PRSS37: variants seen among roughly 807,000 people sequenced by gnomAD.
The protein encoded by PRSS37 is probable inactive serine protease 37.
PRSS37 carries 25 observed loss-of-function variants against 28.0 expected under a neutral mutation model. The ratio of observed to expected loss-of-function variants is 0.89; its 90% CI spans 0.65 to 1.25. The LOEUF is 1.25. PRSS37 is among the 50% of genes most tolerant of loss of function. The pLI, the probability that PRSS37 is intolerant of heterozygous loss-of-function variation, is 0.00. For synonymous variants in PRSS37, 109 were observed against 107.8 expected (o/e 1.01, Z -0.07); for missense variants, 282 against 292.2 (o/e 0.97, Z 0.25).
rs1010879274 is a variant in PRSS37 at position 141,839,638 on chromosome 7, A to G, written c.35-159T>C. Among the ~76,000 whole-genome samples, 7 of 152,202 alleles carry G rather than the reference A, an allele frequency of 4.6e-5. 1 individual carries two copies. Among genetic ancestry groups the G allele is most frequent in the Admixed American group, 2.0e-4 (3 of 15,282 alleles). ...TTTTCTAATAAAAATGTAAATTAAA[A>G]CGATATGCCATTTTATCTTATATTT... On this transcript the variant is annotated intron_variant, in intron 1 of 4. Coordinates refer to ENST00000350549, the MANE Select transcript of PRSS37 (RefSeq NM_001008270.3).
intron 4 of PRSS37, 127 bp downstream of exon 4, chr7:141,836,985 G>C: frequency 2.1e-6 from 2 of 950,594 alleles, no homozygotes; most frequent in Non-Finnish European, 3.2e-6. Flanking sequence ...AACAATGCTG[G>C]CTTTGCAGCA....
At position 141,841,019 on chromosome 7, in the gene PRSS37, C is replaced by A. The variant is rs150940244; in HGVS notation, c.31G>T (p.Ala11Ser). 8.1e-6 allele frequency: 13 copies of A among 1,613,544 alleles called. No individual in the cohort carries two copies. The highest frequency in any genetic ancestry group is 1.3e-5 in the African/African-American group (1 of 74,880). MKYVFYLGVLAGTFFFADSSV... is the reference protein window; with the variant it reads MKYVFYLGVLSGTFFFADSSV... ...GTACAAGGTCTTGAGTACATACCAG[C>A]GAGGACACCCAAATAGAAGACATAT... is the stretch of plus-strand genomic sequence containing the variant. The change falls in exon 1 of 5, where the codon GCT becomes TCT. Residue 11 changes from alanine (A) to serine (S), a missense_variant. Coordinates refer to ENST00000350549, the MANE Select transcript of PRSS37 (RefSeq NM_001008270.3).
rs139196533 is a variant in PRSS37 at position 141,838,038 on chromosome 7, C to G, written c.252G>C (p.Gln84His). 2 of 1,614,050 alleles carry G rather than the reference C, an allele frequency of 1.2e-6. No individual in the cohort carries two copies. Among genetic ancestry groups the G allele is most frequent in the Non-Finnish European group, 1.7e-6 (2 of 1,180,032 alleles). Reference protein sequence around the residue: ...DGTEQTINPIQIVRYWNYSHS... With the variant: ...DGTEQTINPIHIVRYWNYSHS... ...GACTGTAGTTCCAGTAGCGGACGAT[C>G]TGAATGGGGTTAATTGTCTGTTCAG... The change falls in exon 3 of 5, where the codon CAG becomes CAC. Residue 84 changes from glutamine (Q) to histidine (H), a missense_variant. Gln to His is a conservative substitution (Grantham distance 24). Coordinates refer to ENST00000350549, the MANE Select transcript of PRSS37 (RefSeq NM_001008270.3).
chr7:141,841,413 A>G lies in PRSS37; in HGVS notation c.-364T>C, dbSNP rs1195232271. On this transcript the variant is annotated 5_prime_UTR_variant, in exon 1 of 5. Coordinates refer to ENST00000350549, the MANE Select transcript of PRSS37 (RefSeq NM_001008270.3). ...TAGGCTCAGGACTTATCTTCCCCAC[A>G]GAGTTTCTGAGACCAGGGCTATGAG... is the stretch of plus-strand genomic sequence containing the variant. 7.6e-6 allele frequency: 2 copies of G among 262,312 alleles called. No individual in the cohort carries two copies. The highest frequency in any genetic ancestry group is 7.5e-6 in the Non-Finnish European group (1 of 133,954). 16.2% of individuals were successfully genotyped at this position (262,312 alleles called of 1,614,324 possible).
rs1018649301 is a variant in PRSS37 at position 141,836,633 on chromosome 7, C to T, written c.568-98G>A. ...GTCCCGCTTGGGTGAGCCCTGTCTG[C>T]AGGCATATGCTGGACTCTTGAAAAG... On this transcript the variant is annotated intron_variant, in intron 4 of 4. Coordinates refer to ENST00000350549, the MANE Select transcript of PRSS37 (RefSeq NM_001008270.3). 23 of 1,329,318 alleles carry T rather than the reference C, an allele frequency of 1.7e-5. No individual in the cohort carries two copies. The African/African-American group carries it at 3.2e-4, about 19-fold the overall frequency. The allele number at this position is 1,329,318 out of a possible 1,614,324, so 82.3% of individuals were successfully genotyped here. A position where few individuals can be genotyped will look rare whatever the true frequency, so the allele number is the denominator to read the frequency against.
chr7:141,839,199 C>T (rs981478150), intron 2 of PRSS37, 139 bp downstream of exon 2: 17 of 773,392 alleles, frequency 2.2e-5, no homozygotes, highest in Non-Finnish European at 3.6e-5. Context: ...GCCAATAGCA[C>T]TGCCCCCTGG....
At chr7:141,840,153 T>C (rs1801108796) in intron 1 of PRSS37, among the ~76,000 whole-genome samples, 1 of 152,312 alleles carries the variant, frequency 6.6e-6, no homozygotes, top group South Asian at 2.1e-4. Flanking sequence ...TGTTAGCATG[T>C]GTTGACTAAG....
chr7:141,837,472 G>A (rs896337646), intron 3 of PRSS37: 35 of 1,145,314 alleles, frequency 3.1e-5, no homozygotes, highest in Non-Finnish European at 3.8e-5. Context: ...TTAATTGGTG[G>A]CCTGTCTTGG....
chr7:141,837,263 G>C lies in PRSS37; in HGVS notation c.431-15C>G. On this transcript the variant is annotated splice_polypyrimidine_tract_variant and intron_variant, in intron 3 of 4. Transcript: ENST00000350549. ...AGGGTGTCGGCCTGAGGGAGACGGGGATAAAATAAAACATCCTGTTGACAG... is the reference window on the plus strand; with the variant it reads ...AGGGTGTCGGCCTGAGGGAGACGGGCATAAAATAAAACATCCTGTTGACAG... The C allele has an allele frequency of 6.3e-7, 1 of 1,580,846 alleles. No homozygotes were observed. The highest frequency in any genetic ancestry group is 8.6e-7 in the Non-Finnish European group (1 of 1,167,224).
At chr7:141,840,743 T>G (rs1305999441) in intron 1 of PRSS37, among the ~76,000 whole-genome samples, 1 of 152,124 alleles carries the variant, frequency 6.6e-6, no homozygotes, top group East Asian at 1.9e-4. Flanking sequence ...TCTACTTCTC[T>G]GTTTTCTGCA....
Position 141,841,067 on chromosome 7 carries a change from C to T in PRSS37, c.-18G>A. The T allele has an allele frequency of 1.9e-6, 3 of 1,613,488 alleles. No individual in the cohort carries two copies. The highest frequency in any genetic ancestry group is 1.1e-5 in the South Asian group (1 of 91,068). On this transcript the variant is annotated 5_prime_UTR_variant, in exon 1 of 5. Transcript: ENST00000350549. Reference sequence around the variant, plus strand: ...TATTTCATGGTGATCCAGCTCTTCCCCCTGTGAGATGTAGAAGAAAATCAG... The same window carrying T: ...TATTTCATGGTGATCCAGCTCTTCCTCCTGTGAGATGTAGAAGAAAATCAG...
At chr7:141,836,776 T>C (rs780698009) in intron 4 of PRSS37, among the ~76,000 whole-genome samples, 22 of 152,132 alleles carry the variant, frequency 1.4e-4, no homozygotes, top group Non-Finnish European at 2.9e-4. Context: ...GTAAAATGGG[T>C]CAGACTCCAT....
intron 3 of PRSS37, chr7:141,837,582 T>C (rs1226754978): frequency 3.3e-6 from 5 of 1,505,166 alleles, no homozygotes; most frequent in Non-Finnish European, 4.4e-6. Flanking sequence ...GAATTGTGTC[T>C]CTGCCAATCA....
Position 141,837,056 on chromosome 7 carries a change from A to G in PRSS37, c.567+56T>C, listed in dbSNP as rs905347481. 1.2e-5 allele frequency: 18 copies of G among 1,555,972 alleles called. 1 individual carries two copies. The highest frequency in any genetic ancestry group is 1.1e-4 in the Admixed American group (6 of 53,836). On this transcript the variant is annotated intron_variant, in intron 4 of 4. Transcript: ENST00000350549. ...TAAAATAGTTTTTACATCAAGAGTC[A>G]ATAGTTAACCGGGCATATGCAAGTA...
intron 1 of PRSS37, among the ~76,000 whole-genome samples, chr7:141,840,226 A>G (rs576018983): frequency 1.3e-5 from 2 of 152,328 alleles, no homozygotes; most frequent in Admixed American, 1.3e-4. Flanking sequence ...TGTAATATGA[A>G]CATATATTGT....
chr7:141,838,142 T>TCAA (rs57276251), intron 2 of PRSS37, 29 bp from the exon 3 acceptor site: 462,915 of 1,595,836 alleles, frequency 0.29, 62,649 homozygotes, highest in East Asian at 0.42. Flanking sequence ...GAAGTAATCA[T>TCAA]CATCATCATC....
chr7:141,836,658 G>A, intron 4 of PRSS37, 123 bp from the exon 5 acceptor site: 1 of 1,046,064 alleles, frequency 9.6e-7, no homozygotes. Flanking sequence ...CTCTTGAAAA[G>A]AGCACCGAAT....
chr7:141,839,298 C>G (rs1387432030), intron 2 of PRSS37, 40 bp downstream of exon 2: 1 of 1,604,412 alleles, frequency 6.2e-7, no homozygotes, highest in Admixed American at 1.7e-5. Flanking sequence ...CTAGAATGAA[C>G]AGTAGCTGTT....
intron 3 of PRSS37, 190 bp from the exon 4 acceptor site, chr7:141,837,438 G>A (rs1007509326): frequency 3.7e-5 from 38 of 1,036,650 alleles, no homozygotes; most frequent in South Asian, 6.6e-5. Context: ...AAGGCTTTAC[G>A]TCTCTTTAAG....
Sources: gnomAD v4.1 joint callset for allele counts (sites outside exome capture counted in the v4.1 genomes callset) on GRCh38, gnomAD v4.1.1 for gene constraint, MANE v1.5 for transcripts, NCBI Gene and HGNC (gene_info 2026-07-23, HGNC 2026-07-21) for gene names.